Variants in SMG8 observed in about 807,000 individuals in gnomAD.
SMG8 encodes nonsense-mediated mRNA decay factor SMG8.
A neutral mutation model predicts 82.1 loss-of-function variants in SMG8; 49 were observed. The ratio of observed to expected loss-of-function variants is 0.60; its 90% CI spans 0.47 to 0.76. SMG8 has a LOEUF of 0.76. Among genes scored for constraint, SMG8 ranks in the 30% least tolerant of loss-of-function variants. The probability of loss-of-function intolerance (pLI) is 0.00; values close to 1 mark genes in which losing one functional copy is unlikely to be tolerated. For missense variants in SMG8, 969 were observed against 1,166.4 expected (o/e 0.83, Z 2.46); for synonymous variants, 404 against 430.0 (o/e 0.94, Z 0.75).
At position 59,210,155 on chromosome 17, in the gene SMG8, C is replaced by T. The variant is rs1232898433; in HGVS notation, c.104C>T (p.Ala35Val). The stretch of plus-strand genomic sequence containing the variant: ...CCTACTGAGGGCGGAGGGAGCGCGG[C>T]TGGCGGACCGGAGCCTCCATGGCGG... ...GSPTEGGGSA[A>V]GGPEPPWRED... Residue 35 changes from alanine to valine, a missense_variant, in exon 1 of 4, where the codon GCT (alanine) becomes GTT (valine). Ala to Val is a moderately conservative substitution (Grantham distance 64, BLOSUM62 0). Around this residue, in one of 3 missense-constraint regions of SMG8, gnomAD observed 206 missense variants for 190.5 expected, o/e 1.08. Transcript: ENST00000300917. The T allele has an allele frequency of 1.3e-6, 2 of 1,587,978 alleles. No homozygotes were observed. The highest frequency in any genetic ancestry group is 1.3e-5 in the African/African-American group (1 of 74,140).
rs1444185796 is a variant in SMG8 at position 59,211,553 on chromosome 17, A to G, written c.1502A>G (p.Gln501Arg). The G allele has an allele frequency of 6.2e-7, 1 of 1,614,162 alleles. No individual in the cohort carries two copies. The highest frequency in any genetic ancestry group is 1.1e-5 in the South Asian group (1 of 91,070). The change falls in exon 1 of 4, where the codon CAA becomes CGA. Residue 501 changes from glutamine to arginine, a missense_variant. This residue lies in a region of SMG8 where 662 missense variants were observed against 884.8 expected (regional missense o/e 0.75). Coordinates refer to ENST00000300917, the MANE Select transcript of SMG8 (RefSeq NM_018149.7). Reference sequence around the variant, plus strand: ...ACAAAATTCTCAGAAAACCGATGCCAAAAAGCTTTACCCATGGCCCACAGT... The same window carrying G: ...ACAAAATTCTCAGAAAACCGATGCCGAAAAGCTTTACCCATGGCCCACAGT... ...IDTKFSENRC[Q>R]KALPMAHSAY...
In SMG8 at chr17:59,211,228, C is replaced by A; in HGVS notation, c.1177C>A (p.His393Asn). 6.2e-7 allele frequency: 1 copy of A among 1,614,210 alleles called. No individual in the cohort carries two copies. The highest frequency in any genetic ancestry group is 8.5e-7 in the Non-Finnish European group (1 of 1,180,034). ...RQHSRQQLSFHIDSSSSSSSG... is the reference protein window; with the variant it reads ...RQHSRQQLSFNIDSSSSSSSG... ...GCACAGCCGACAACAACTTTCCTTT[C>A]ACATTGACAGCAGCAGTTCCAGTTC... Residue 393 changes from histidine (H) to asparagine (N), a missense_variant, in exon 1 of 4, where the codon CAC (histidine) becomes AAC (asparagine). This residue lies in a region of SMG8 where 662 missense variants were observed against 884.8 expected (regional missense o/e 0.75). Transcript: ENST00000300917.
At chr17:59,213,953 C>T (rs1024082197) in intron 3 of SMG8, among the ~76,000 whole-genome samples, 3 of 152,070 alleles carry the variant, frequency 2.0e-5, no homozygotes, top group Non-Finnish European at 4.4e-5. Flanking sequence ...TATCAATTCA[C>T]ATCATTTCAT....
chr17:59,210,557 T>C lies in SMG8; in HGVS notation c.506T>C (p.Leu169Pro). Residue 169 changes from leucine to proline, a missense_variant, in exon 1 of 4, where the codon CTT becomes CCT. By Grantham distance (98) the Leu-to-Pro change is moderately conservative (BLOSUM62 -3). Transcript: ENST00000300917. The stretch of plus-strand genomic sequence containing the variant: ...CAGCTTCTCCGGGCTTGTCGGGCTC[T>C]TCAGAGCGGGGAAGCTGGAGGTGGA... ...NSQLLRACRA[L>P]QSGEAGGGLS... 6.4e-7 allele frequency: 1 copy of C among 1,574,284 alleles called. No homozygotes were observed. Among genetic ancestry groups the C allele is most frequent in the Non-Finnish European group, 8.6e-7 (1 of 1,162,784 alleles).
intron 2 of SMG8, 117 bp from the exon 3 acceptor site, chr17:59,212,612 A>G: frequency 6.8e-7 from 1 of 1,461,020 alleles, no homozygotes; most frequent in Non-Finnish European, 9.2e-7. Context: ...ATATATAAAC[A>G]GGAGCAAATT....
At position 59,212,332 on chromosome 17, in the gene SMG8, A is replaced by T; in HGVS notation, c.1760-9A>T. The T allele has an allele frequency of 6.4e-7, 1 of 1,553,046 alleles. No homozygotes were observed. The highest frequency in any genetic ancestry group is 8.8e-7 in the Non-Finnish European group (1 of 1,139,802). ...TTATGAAATTAATAGTGGCTGTTATATTTTCCAGGAGAAAAACCAGAGGCT... is the reference window on the plus strand; with the variant it reads ...TTATGAAATTAATAGTGGCTGTTATTTTTTCCAGGAGAAAAACCAGAGGCT... On this transcript the variant is annotated splice_polypyrimidine_tract_variant and intron_variant, in intron 1 of 3. Transcript: ENST00000300917.
At chr17:59,212,143 A>G (rs533419846) in intron 1 of SMG8, 198 bp from the exon 2 acceptor site, 3 of 447,390 alleles carry the variant, frequency 6.7e-6, no homozygotes, top group African/African-American at 5.9e-5. Flanking sequence ...GTACATGATA[A>G]TGGTAGCAGG....
In SMG8 at chr17:59,212,950, T is replaced by C; in HGVS notation, c.2127T>C (p.Tyr709=). ...AATCCACAGATAGCTTAGGTACCTA[T>C]CCAGCTGATCCACAAGCAGGAGGAG... is the stretch of plus-strand genomic sequence containing the variant. ...LGQSTDSLGT[Y]PADPQAGGDN... is the part of the protein sequence containing the mutation. The change falls in exon 3 of 4, where the codon TAT becomes TAC. Residue 709 remains tyrosine (Y), a synonymous_variant. Coordinates refer to ENST00000300917, the MANE Select transcript of SMG8 (RefSeq NM_018149.7). 1 of 1,614,096 alleles carries C rather than the reference T, an allele frequency of 6.2e-7. No individual in the cohort carries two copies. The highest frequency in any genetic ancestry group is 1.1e-5 in the South Asian group (1 of 91,084).
At position 59,210,588 on chromosome 17, in the gene SMG8, T is replaced by C; in HGVS notation, c.537T>C (p.Ser179=). Residue 179 remains serine (S), a synonymous_variant, in exon 1 of 4, where the codon TCT becomes TCC. Transcript: ENST00000300917. ...GCGGGGAAGCTGGAGGTGGACTCTC[T>C]TTACCTCATGCAGAAGCACACGAGT... ...LQSGEAGGGL[S]LPHAEAHEFW... is the part of the protein sequence containing the mutation. 2 of 1,596,464 alleles carry C rather than the reference T, an allele frequency of 1.3e-6. No homozygotes were observed. Among genetic ancestry groups the C allele is most frequent in the South Asian group, 1.1e-5 (1 of 87,502 alleles).
In SMG8 at chr17:59,214,822, A is replaced by G. The variant is rs775623985; in HGVS notation, c.2796A>G (p.Pro932=). 3.0e-5 allele frequency: 26 copies of G among 872,784 alleles called. No individual in the cohort carries two copies. The Admixed American group carries it at 4.4e-4, about 15-fold the overall frequency. The allele number at this position is 872,784 out of a possible 1,614,324, so 54.1% of individuals were successfully genotyped here. Residue 932 remains proline (P), a synonymous_variant, in exon 4 of 4, where the codon CCA becomes CCG. Coordinates refer to ENST00000300917, the MANE Select transcript of SMG8 (RefSeq NM_018149.7). ...ILMPQVQPGP[P]PCPVFYPEKQ... ...TTTTTCAGGTTCAGCCAGGCCCACC[A>G]CCATGTCCGGTATTCTACCCAGAAA...
Position 59,213,386 on chromosome 17 carries a change from C to T in SMG8, c.2563C>T (p.Arg855Ter), listed in dbSNP as rs1489257526. The T allele has an allele frequency of 2.5e-6, 4 of 1,614,072 alleles. No individual in the cohort carries two copies. The highest frequency in any genetic ancestry group is 3.4e-6 in the Non-Finnish European group (4 of 1,180,020). ...AFVGFEYEDS[R>*]GRRFMCSGPD... ...TGTGGGCTTTGAATATGAAGACTCT[C>T]GAGGTCGGAGATTCATGTGCTCTGG... Residue 855 changes from arginine (R) to a stop codon, truncating the protein, a stop_gained, in exon 3 of 4, where the codon CGA becomes TGA. Transcript: ENST00000300917. LOFTEE classifies it high-confidence loss of function.
Position 59,210,500 on chromosome 17 carries a change from A to G in SMG8, c.449A>G (p.Tyr150Cys). 6.4e-7 allele frequency: 1 copy of G among 1,572,294 alleles called. No homozygotes were observed. The highest frequency in any genetic ancestry group is 1.7e-4 in the Middle Eastern group (1 of 5,816). Reference protein sequence around the residue: ...AYYSQESKVLYLLLTSICDNS... With the variant: ...AYYSQESKVLCLLLTSICDNS... ...TACAGTCAGGAAAGCAAAGTTCTGT[A>G]TCTTCTCCTCACCTCCATCTGTGAC... Residue 150 changes from tyrosine (Y) to cysteine (C), a missense_variant, in exon 1 of 4, where the codon TAT (tyrosine) becomes TGT (cysteine). Transcript: ENST00000300917.
chr17:59,213,657 T>C, intron 3 of SMG8, 56 bp downstream of exon 3: 5 of 1,523,762 alleles, frequency 3.3e-6, no homozygotes, highest in Non-Finnish European at 2.6e-6. Flanking sequence ...GATGTTTGTT[T>C]TGATTGATTT....
Position 59,210,147 on chromosome 17 carries a change from G to A in SMG8, c.96G>A (p.Gly32=), listed in dbSNP as rs1489899223. Residue 32 remains glycine (G), a synonymous_variant, in exon 1 of 4, where the codon GGG becomes GGA. Coordinates refer to ENST00000300917, the MANE Select transcript of SMG8 (RefSeq NM_018149.7). ...SPGGSPTEGG[G]SAAGGPEPPW... ...GAGGGTCCCCTACTGAGGGCGGAGG[G>A]AGCGCGGCTGGCGGACCGGAGCCTC... 3.1e-5 allele frequency: 50 copies of A among 1,587,872 alleles called. No individual in the cohort carries two copies. Among genetic ancestry groups the A allele is most frequent in the Non-Finnish European group, 4.3e-5 (50 of 1,167,768 alleles).
At position 59,210,390 on chromosome 17, in the gene SMG8, G is replaced by C. The variant is rs747425829; in HGVS notation, c.339G>C (p.Gly113=). The change falls in exon 1 of 4, where the codon GGG becomes GGC. Residue 113 remains glycine, a synonymous_variant. Transcript: ENST00000300917. ...CCGAGGACCCTGGGGCTGCAGCCGG[G>C]GGTTCAGTTCGGGGAAGTGGAGCTG... ...GGAEDPGAAA[G]GSVRGSGAVA... 4 of 1,610,846 alleles carry C rather than the reference G, an allele frequency of 2.5e-6. No homozygotes were observed. Among genetic ancestry groups the C allele is most frequent in the Non-Finnish European group, 3.4e-6 (4 of 1,178,690 alleles).
intron 3 of SMG8, among the ~76,000 whole-genome samples, chr17:59,213,804 TAGTG>T (rs1421437695): frequency 6.6e-6 from 1 of 152,088 alleles, no homozygotes; most frequent in Non-Finnish European, 1.5e-5. Flanking sequence ...CTGAGCAACA[TAGTG>T]AGACTTGTAT....
intron 1 of SMG8, 177 bp from the exon 2 acceptor site, chr17:59,212,164 C>A: frequency 2.1e-6 from 1 of 469,238 alleles, no homozygotes; most frequent in South Asian, 7.0e-5. Flanking sequence ...AGGAAAAATT[C>A]ACTTAAAAAC....
Position 59,213,600 on chromosome 17 carries a change from A to G in SMG8, c.2777A>G (p.Gln926Arg), listed in dbSNP as rs1373338541. The G allele has an allele frequency of 6.3e-7, 1 of 1,596,982 alleles. No homozygotes were observed. Among genetic ancestry groups the G allele is most frequent in the East Asian group, 2.2e-5 (1 of 44,778 alleles). ...DAPLQIILMP[Q>R]VQPGPPPCPV... Reference sequence around the variant, plus strand: ...CCTTTGCAGATAATACTAATGCCTCAGGTAAGAAATATAACCCTCTGCAGC... The same window carrying G: ...CCTTTGCAGATAATACTAATGCCTCGGGTAAGAAATATAACCCTCTGCAGC... The change falls in exon 3 of 4, where the codon CAG (glutamine) becomes CGG (arginine). Residue 926 changes from glutamine to arginine, a missense_variant and splice_region_variant. Coordinates refer to ENST00000300917, the MANE Select transcript of SMG8 (RefSeq NM_018149.7).
chr17:59,213,642 A>G (rs1389046020), intron 3 of SMG8, 41 bp downstream of exon 3: 1 of 1,541,504 alleles, frequency 6.5e-7, no homozygotes, highest in African/African-American at 1.4e-5. Flanking sequence ...CAAGTAAAAA[A>G]TGCTGATGTT....
Sources: gnomAD v4.1 joint callset for allele counts (sites outside exome capture counted in the v4.1 genomes callset) on GRCh38, gnomAD v4.1.1 for gene constraint, gnomAD v4.1.1 regional missense constraint, MANE v1.5 for transcripts, NCBI Gene and HGNC (gene_info 2026-07-23, HGNC 2026-07-21) for gene names.